Variants in PKDREJ observed in about 807,000 individuals in gnomAD.
PKDREJ encodes polycystin family receptor for egg jelly, also known as PKD and REJ homolog.
For missense variants in PKDREJ, 2,507 were observed against 2,807.2 expected, an observed-to-expected ratio of 0.89 and a Z score of 2.42; for synonymous variants, 1,031 against 1,095.5, an observed-to-expected ratio of 0.94 and a Z score of 1.16.
Position 46,261,348 on chromosome 22 carries a change from A to G in PKDREJ, c.1975T>C (p.Ser659Pro), listed in dbSNP as rs1317136624. 1.2e-6 allele frequency: 2 copies of G among 1,613,714 alleles called. No individual in the cohort carries two copies. Among genetic ancestry groups the G allele is most frequent in the Non-Finnish European group, 1.7e-6 (2 of 1,180,034 alleles). Residue 659 changes from serine to proline, a missense_variant, in exon 1 of 1, where the codon TCT (serine) becomes CCT (proline). Physicochemically the swap from Ser to Pro is moderately conservative, Grantham distance 74. Transcript: ENST00000253255. The surrounding 1 kb of genome is among the most constrained non-coding windows in gnomAD (Gnocchi z 7.1). ...GCGGTGGCATGCAAAGTCACCTGAG[A>G]AAAAGCTCCTAGAGAATCATAGACC... ...AQVYDSLGAF[S>P]QVTLHATAQA... is the part of the protein sequence containing the mutation.
rs775367687 is a variant in PKDREJ, at chr22:46,259,960, A to C, written c.3363T>G (p.Leu1121=). 1 of 1,614,126 alleles carries C rather than the reference A, an allele frequency of 6.2e-7. No homozygotes were observed. The highest frequency in any genetic ancestry group is 8.5e-7 in the Non-Finnish European group (1 of 1,180,024). ...CCTCATACCAGCTGGTCTTCTCACCAAGAATGCAATAACCCTCTCTCCATT... is the reference window on the plus strand; with the variant it reads ...CCTCATACCAGCTGGTCTTCTCACCCAGAATGCAATAACCCTCTCTCCATT... ...QSEWREGYCI[L]GEKTSWYEVH... Residue 1121 remains leucine, a synonymous_variant, in exon 1 of 1, where the codon CTT becomes CTG. Coordinates refer to ENST00000253255, the MANE Select transcript of PKDREJ (RefSeq NM_006071.2). The surrounding 1 kb of genome is among the most constrained non-coding windows in gnomAD (Gnocchi z 6.8).
At position 46,260,850 on chromosome 22, in the gene PKDREJ, G is replaced by A; in HGVS notation, c.2473C>T (p.Gln825Ter). 1.9e-6 allele frequency: 3 copies of A among 1,613,644 alleles called. No homozygotes were observed. Among genetic ancestry groups the A allele is most frequent in the Non-Finnish European group, 2.5e-6 (3 of 1,179,586 alleles). ...ACATAGAAAGGATCTTTAACTACTT[G>A]GTGAGGAGAAGTCATTTTAAGAATA... ...SNILKMTSPH[Q>*]VVKDPFYVIE... Residue 825 changes from glutamine to a stop codon, truncating the protein, a stop_gained, in exon 1 of 1, where the codon CAA (glutamine) becomes TAA (stop). Coordinates refer to ENST00000253255, the MANE Select transcript of PKDREJ (RefSeq NM_006071.2). LOFTEE classifies it low-confidence loss of function (END_TRUNC). The surrounding 1 kb of genome is among the most constrained non-coding windows in gnomAD (Gnocchi z 4.5).
Position 46,262,998 on chromosome 22 carries a change from CG to C in PKDREJ, c.324del (p.Ala109ArgfsTer18). On this transcript the variant is annotated frameshift_variant, in exon 1 of 1. Coordinates refer to ENST00000253255, the MANE Select transcript of PKDREJ (RefSeq NM_006071.2). LOFTEE classifies it low-confidence loss of function (END_TRUNC). The surrounding 1 kb of genome is among the most constrained non-coding windows in gnomAD (Gnocchi z 8.1). Reference protein sequence around the residue: ...SAQRLPWPAAPALALVDLQLS... With the variant: ...SAQRLPWPAAXALALVDLQLS... ...AGCTGCAGGTCGACGAGCGCGAGCG[CG>C]GGCGCGGCCGGCCAGGGCAGGCGTT... is the stretch of plus-strand genomic sequence containing the variant. 8.0e-7 allele frequency: 1 copy of C among 1,242,712 alleles called. No individual in the cohort carries two copies. 77.0% of individuals were successfully genotyped at this position (1,242,712 alleles called of 1,614,324 possible).
rs1936652032 is a variant in PKDREJ, at chr22:46,258,010, C to T, written c.5313G>A (p.Leu1771=). ...YRWLNSVLLP[L]LHNDLNPTFL... is the part of the protein sequence containing the mutation. ...ATGTTGGATTCAGGTCATTGTGTAACAAAGGCAACAGCACGCTGTTTAGCC... is the reference window on the plus strand; with the variant it reads ...ATGTTGGATTCAGGTCATTGTGTAATAAAGGCAACAGCACGCTGTTTAGCC... Residue 1771 remains leucine (L), a synonymous_variant, in exon 1 of 1, where the codon TTG becomes TTA. Coordinates refer to ENST00000253255, the MANE Select transcript of PKDREJ (RefSeq NM_006071.2). The surrounding 1 kb of genome is among the most constrained non-coding windows in gnomAD (Gnocchi z 6.1). 6.2e-7 allele frequency: 1 copy of T among 1,614,056 alleles called. No homozygotes were observed. Among genetic ancestry groups the T allele is most frequent in the African/African-American group, 1.3e-5 (1 of 75,042 alleles).
rs775427032 is a variant in PKDREJ at position 46,259,789 on chromosome 22, C to T, written c.3534G>A (p.Lys1178=). 1.9e-6 allele frequency: 3 copies of T among 1,614,066 alleles called. No individual in the cohort carries two copies. Among genetic ancestry groups the T allele is most frequent in the East Asian group, 2.2e-5 (1 of 44,884 alleles). Residue 1178 remains lysine (K), a synonymous_variant, in exon 1 of 1, where the codon AAG becomes AAA. Transcript: ENST00000253255. This position sits in a 1 kb window ranked among gnomAD's most constrained non-coding sequence, Gnocchi z 6.8. ...GGGTCACGGGGTTTTGGTGAAGGCT[C>T]TTGATGATGTTTAACCGTAGATCCA... ...NPVDLRLNII[K]SLHQNPVTLF...
In PKDREJ at chr22:46,257,000, T is replaced by C. The variant is rs1172565743; in HGVS notation, c.6323A>G (p.Tyr2108Cys). 3.7e-6 allele frequency: 6 copies of C among 1,613,846 alleles called. No individual in the cohort carries two copies. The highest frequency in any genetic ancestry group is 5.1e-6 in the Non-Finnish European group (6 of 1,180,002). ...VYFFVYMAFG[Y>C]LVFGQHEWNY... The stretch of plus-strand genomic sequence containing the variant: ...CCATTCATGCTGACCAAACACCAGG[T>C]AACCAAAAGCCATGTATACGAAGAA... The change falls in exon 1 of 1, where the codon TAC becomes TGC. Residue 2108 changes from tyrosine to cysteine, a missense_variant. Physicochemically the swap from Tyr to Cys is radical, Grantham distance 194 (BLOSUM62 -2). Coordinates refer to ENST00000253255, the MANE Select transcript of PKDREJ (RefSeq NM_006071.2). This position sits in a 1 kb window ranked among gnomAD's most constrained non-coding sequence, Gnocchi z 5.3.
Position 46,259,290 on chromosome 22 carries a change from C to A in PKDREJ, c.4033G>T (p.Val1345Phe). 15 of 1,614,134 alleles carry A rather than the reference C, an allele frequency of 9.3e-6. No homozygotes were observed. The highest frequency in any genetic ancestry group is 1.3e-5 in the African/African-American group (1 of 75,032). Residue 1345 changes from valine (V) to phenylalanine (F), a missense_variant, in exon 1 of 1, where the codon GTT (valine) becomes TTT (phenylalanine). Val to Phe is a conservative substitution (Grantham distance 50). Coordinates refer to ENST00000253255, the MANE Select transcript of PKDREJ (RefSeq NM_006071.2). The surrounding 1 kb of genome is among the most constrained non-coding windows in gnomAD (Gnocchi z 6.8). ...VDTTLDRTFH[V>F]THPDERLTRK... ...GTCAGACGCTCATCTGGATGGGTAA[C>A]GTGAAATGTTCTGTCCAAAGTGGTA...
Position 46,261,030 on chromosome 22 carries a change from T to C in PKDREJ, c.2293A>G (p.Lys765Glu), listed in dbSNP as rs1936690580. 6.2e-7 allele frequency: 1 copy of C among 1,614,212 alleles called. No homozygotes were observed. The highest frequency in any genetic ancestry group is 8.5e-7 in the Non-Finnish European group (1 of 1,180,042). The change falls in exon 1 of 1, where the codon AAA (lysine) becomes GAA (glutamate). Residue 765 changes from lysine (K) to glutamate (E), a missense_variant. Physicochemically the swap from Lys to Glu is moderately conservative, Grantham distance 56. Transcript: ENST00000253255. This position sits in a 1 kb window ranked among gnomAD's most constrained non-coding sequence, Gnocchi z 7.1. Reference sequence around the variant, plus strand: ...GCATCCCAAGTGAATTCAGAGGGTTTCTGGGTTAATTTGGTAATAGTCATG... The same window carrying C: ...GCATCCCAAGTGAATTCAGAGGGTTCCTGGGTTAATTTGGTAATAGTCATG... ...VVMTITKLTQ[K>E]PSEFTWDAQK...
In PKDREJ at chr22:46,257,280, G is replaced by A; in HGVS notation, c.6043C>T (p.Leu2015Phe). The A allele has an allele frequency of 6.2e-7, 1 of 1,614,030 alleles. No homozygotes were observed. The highest frequency in any genetic ancestry group is 1.1e-5 in the South Asian group (1 of 91,064). Reference sequence around the variant, plus strand: ...GCCAGGAAATGTTTCCTGAGAAAGAGCACAATCAACACAGTAAATATGCAC... The same window carrying A: ...GCCAGGAAATGTTTCCTGAGAAAGAACACAATCAACACAGTAAATATGCAC... ...LKCIFTVLIV[L>F]FLRKHFLATG... The change falls in exon 1 of 1, where the codon CTC becomes TTC. Residue 2015 changes from leucine to phenylalanine, a missense_variant. Coordinates refer to ENST00000253255, the MANE Select transcript of PKDREJ (RefSeq NM_006071.2). This position sits in a 1 kb window ranked among gnomAD's most constrained non-coding sequence, Gnocchi z 4.7.
In PKDREJ at chr22:46,261,408, A is replaced by C. The variant is rs758708263; in HGVS notation, c.1915T>G (p.Leu639Val). The C allele has an allele frequency of 6.2e-7, 1 of 1,614,062 alleles. No individual in the cohort carries two copies. Among genetic ancestry groups the C allele is most frequent in the Non-Finnish European group, 8.5e-7 (1 of 1,180,046 alleles). ...VPPSFLPVGMLASQYGLKIYA... is the reference protein window; with the variant it reads ...VPPSFLPVGMVASQYGLKIYA... ...ATCTTCAAGCCATATTGACTAGCCA[A>C]CATACCAACAGGGAGAAAGGAAGGG... The change falls in exon 1 of 1, where the codon TTG becomes GTG. Residue 639 changes from leucine to valine, a missense_variant. By Grantham distance (32) the Leu-to-Val change is conservative. Transcript: ENST00000253255. The surrounding 1 kb of genome is among the most constrained non-coding windows in gnomAD (Gnocchi z 7.1).
chr22:46,259,111 G>A lies in PKDREJ; in HGVS notation c.4212C>T (p.Asn1404=). 1.9e-6 allele frequency: 3 copies of A among 1,613,718 alleles called. No homozygotes were observed. The highest frequency in any genetic ancestry group is 2.5e-6 in the Non-Finnish European group (3 of 1,179,734). Residue 1404 remains asparagine (N), a synonymous_variant, in exon 1 of 1, where the codon AAC becomes AAT. Coordinates refer to ENST00000253255, the MANE Select transcript of PKDREJ (RefSeq NM_006071.2). The surrounding 1 kb of genome is among the most constrained non-coding windows in gnomAD (Gnocchi z 6.8). ...GTCTATTTAGATTAAAGAACATAAT[G>A]TTACAAAGAAGAGAGCTAAGCAACA... The part of the protein sequence containing the change: ...LAMLLSSLLC[N]IMFFNLNRQE...
Position 46,260,313 on chromosome 22 carries a change from C to A in PKDREJ, c.3010G>T (p.Glu1004Ter). ...LREVLVHIVTEVMVLFTVLVY... is the reference protein window; with the variant it reads ...LREVLVHIVT ...AACACTGTGAACAGCACCATCACTT[C>A]TGTTACTATGTGGACCAGAACCTCC... Residue 1004 changes from glutamate to a stop codon, truncating the protein, a stop_gained, in exon 1 of 1, where the codon GAA becomes TAA. Coordinates refer to ENST00000253255, the MANE Select transcript of PKDREJ (RefSeq NM_006071.2). LOFTEE classifies it low-confidence loss of function (END_TRUNC). The surrounding 1 kb of genome is among the most constrained non-coding windows in gnomAD (Gnocchi z 4.5). 1 of 1,614,190 alleles carries A rather than the reference C, an allele frequency of 6.2e-7. No individual in the cohort carries two copies. The highest frequency in any genetic ancestry group is 8.5e-7 in the Non-Finnish European group (1 of 1,180,022).
rs137926168 is a variant in PKDREJ at position 46,262,828 on chromosome 22, G to C, written c.495C>G (p.Arg165=). The change falls in exon 1 of 1, where the codon CGC becomes CGG. Residue 165 remains arginine, a synonymous_variant. Transcript: ENST00000253255. The surrounding 1 kb of genome is among the most constrained non-coding windows in gnomAD (Gnocchi z 8.1). The stretch of plus-strand genomic sequence containing the variant: ...GGGGCCGCGGGCCTGGCGCGGCGGA[G>C]CGCGGGGAGACGCGGGCCGCGGGGG... The part of the protein sequence containing the change: ...PASPAARVSP[R]SAAPGPRPQQ... 71,637 of 1,243,214 alleles carry C rather than the reference G, an allele frequency of 0.058. 4,616 individuals are homozygous for C. The highest frequency in any genetic ancestry group is 0.32 in the African/African-American group (20,816 of 64,054). 77.0% of individuals were successfully genotyped at this position (1,243,214 alleles called of 1,614,324 possible).
rs1936658509 is a variant in PKDREJ at position 46,258,500 on chromosome 22, A to G, written c.4823T>C (p.Ile1608Thr). 1 of 1,614,204 alleles carries G rather than the reference A, an allele frequency of 6.2e-7. No individual in the cohort carries two copies. The highest frequency in any genetic ancestry group is 8.5e-7 in the Non-Finnish European group (1 of 1,180,010). ...YGLTYGYDKS[I>T]EWLFASFCSF... The stretch of plus-strand genomic sequence containing the variant: ...ACAAAAAGATGCAAAGAGCCATTCT[A>G]TTGACTTGTCATAGCCGTAAGTCAG... The change falls in exon 1 of 1, where the codon ATA becomes ACA. Residue 1608 changes from isoleucine to threonine, a missense_variant. By Grantham distance (89) the Ile-to-Thr change is moderately conservative (BLOSUM62 -1). Transcript: ENST00000253255. The surrounding 1 kb of genome is among the most constrained non-coding windows in gnomAD (Gnocchi z 6.1).
rs775542242 is a variant in PKDREJ, at chr22:46,256,800, A to G, written c.6523T>C (p.Tyr2175His). 4 of 1,613,932 alleles carry G rather than the reference A, an allele frequency of 2.5e-6. No homozygotes were observed. Among genetic ancestry groups the G allele is most frequent in the Non-Finnish European group, 3.4e-6 (4 of 1,180,034 alleles). ...TACACGGGCTGCTTCATTTCCTCAT[A>G]TGCAGACAGAATTACAGCCTGAAAT... ...NLFQAVILSAYEEMKQPVYEE... is the reference protein window; with the variant it reads ...NLFQAVILSAHEEMKQPVYEE... The change falls in exon 1 of 1, where the codon TAT becomes CAT. Residue 2175 changes from tyrosine to histidine, a missense_variant. Tyr to His is a moderately conservative substitution (Grantham distance 83, BLOSUM62 2). Coordinates refer to ENST00000253255, the MANE Select transcript of PKDREJ (RefSeq NM_006071.2). The surrounding 1 kb of genome is among the most constrained non-coding windows in gnomAD (Gnocchi z 5.3).
At position 46,262,573 on chromosome 22, in the gene PKDREJ, C is replaced by T. The variant is rs1601856717; in HGVS notation, c.750G>A (p.Pro250=). 1 of 1,607,712 alleles carries T rather than the reference C, an allele frequency of 6.2e-7. No individual in the cohort carries two copies. The highest frequency in any genetic ancestry group is 8.5e-7 in the Non-Finnish European group (1 of 1,177,408). ...TINASVQLDC[P]AARAIAQYWQ... The stretch of plus-strand genomic sequence containing the variant: ...AGTACTGGGCGATGGCGCGCGCGGC[C>T]GGGCAGTCCAGCTGCACCGAGGCGT... The change falls in exon 1 of 1, where the codon CCG becomes CCA. Residue 250 remains proline (P), a synonymous_variant. Coordinates refer to ENST00000253255, the MANE Select transcript of PKDREJ (RefSeq NM_006071.2). This position sits in a 1 kb window ranked among gnomAD's most constrained non-coding sequence, Gnocchi z 8.1.
In PKDREJ at chr22:46,257,210, A is replaced by G. The variant is rs371321769; in HGVS notation, c.6113T>C (p.Ile2038Thr). Residue 2038 changes from isoleucine to threonine, a missense_variant, in exon 1 of 1, where the codon ATT becomes ACT. By Grantham distance (89) the Ile-to-Thr change is moderately conservative. Coordinates refer to ENST00000253255, the MANE Select transcript of PKDREJ (RefSeq NM_006071.2). This position sits in a 1 kb window ranked among gnomAD's most constrained non-coding sequence, Gnocchi z 4.7. ...TACCTGAGAAACTGCATGAAAGGGA[A>G]TGAAGTCTTCTGGGTTCGACAAGTA... ...RFYLSNPEDFIPFHAVSQVDH... is the reference protein window; with the variant it reads ...RFYLSNPEDFTPFHAVSQVDH... 31 of 1,613,932 alleles carry G rather than the reference A, an allele frequency of 1.9e-5. No homozygotes were observed. Among genetic ancestry groups the G allele is most frequent in the Non-Finnish European group, 2.6e-5 (31 of 1,180,042 alleles).
In PKDREJ at chr22:46,259,265, G is replaced by A; in HGVS notation, c.4058C>T (p.Thr1353Ile). 1 of 1,614,128 alleles carries A rather than the reference G, an allele frequency of 6.2e-7. No homozygotes were observed. The highest frequency in any genetic ancestry group is 2.2e-5 in the East Asian group (1 of 44,884). The change falls in exon 1 of 1, where the codon ACT becomes ATT. Residue 1353 changes from threonine (T) to isoleucine (I), a missense_variant. By Grantham distance (89) the Thr-to-Ile change is moderately conservative (BLOSUM62 -1). Coordinates refer to ENST00000253255, the MANE Select transcript of PKDREJ (RefSeq NM_006071.2). The surrounding 1 kb of genome is among the most constrained non-coding windows in gnomAD (Gnocchi z 6.8). ...FHVTHPDERL[T>I]RKDFFFIDVS... The stretch of plus-strand genomic sequence containing the variant: ...ATCTATAAAGAAAAAGTCTTTTCTA[G>A]TCAGACGCTCATCTGGATGGGTAAC...
In PKDREJ at chr22:46,260,468, A is replaced by G; in HGVS notation, c.2855T>C (p.Val952Ala). ...GGTCAAGTTTTTCCTGACAAGGTAC[A>G]CTTCCGCTACATCAGGTGTGATCTC... Reference protein sequence around the residue: ...VLEITPDVAEVYLVRKNLTFA... With the variant: ...VLEITPDVAEAYLVRKNLTFA... Residue 952 changes from valine (V) to alanine (A), a missense_variant, in exon 1 of 1, where the codon GTG becomes GCG. By Grantham distance (64) the Val-to-Ala change is moderately conservative (BLOSUM62 0). Coordinates refer to ENST00000253255, the MANE Select transcript of PKDREJ (RefSeq NM_006071.2). The surrounding 1 kb of genome is among the most constrained non-coding windows in gnomAD (Gnocchi z 4.5). The G allele has an allele frequency of 1.2e-6, 2 of 1,614,196 alleles. No homozygotes were observed. Among genetic ancestry groups the G allele is most frequent in the African/African-American group, 1.3e-5 (1 of 75,030 alleles).
Sources: allele counts gnomAD v4.1 joint callset, GRCh38; gene constraint gnomAD v4.1.1; non-coding constraint Gnocchi (gnomAD v3.1); transcripts MANE v1.5; gene names NCBI Gene and HGNC (gene_info 2026-07-23, HGNC 2026-07-21).